CNTN5: variants seen among roughly 807,000 people sequenced by gnomAD.
CNTN5 encodes contactin-5.
In CNTN5, 77 loss-of-function variants were observed where a neutral mutation model predicts 129.1. That is an observed-to-expected ratio of 0.60 (90% CI 0.50 to 0.72). The LOEUF (loss-of-function observed/expected upper bound fraction) is 0.72, where lower values mean the gene tolerates loss of function less well. CNTN5 is among the 30% of genes least tolerant of loss of function. The probability of loss-of-function intolerance (pLI) is 0.00; values close to 1 mark genes in which losing one functional copy is unlikely to be tolerated. For missense variants in CNTN5, 1,478 were observed against 1,328.8 expected (o/e 1.11, Z -1.75); for synonymous variants, 509 against 465.6 (o/e 1.09, Z -1.20).
intron 3 of CNTN5, among the ~76,000 whole-genome samples, chr11:99,579,306 G>A (rs939483065): frequency 1.3e-4 from 19 of 150,440 alleles, no homozygotes; most frequent in African/African-American, 3.4e-4. Flanking sequence ...TTGACTTGGC[G>A]ATGTGGGCTC....
intron 6 of CNTN5, among the ~76,000 whole-genome samples, chr11:99,910,393 A>G (rs2135988647): frequency 6.6e-6 from 1 of 152,218 alleles, no homozygotes; most frequent in East Asian, 1.9e-4. Context: ...CATTCTGTGC[A>G]GACAAATGAC....
chr11:99,602,261 TC>T (rs1950336477), intron 3 of CNTN5, among the ~76,000 whole-genome samples: 1 of 152,128 alleles, frequency 6.6e-6, no homozygotes, highest in Non-Finnish European at 1.5e-5. Flanking sequence ...CTAGTTTCTA[TC>T]TTGATTATTT....
chr11:99,070,065 C>T (rs1865280085), intron 1 of CNTN5, among the ~76,000 whole-genome samples: 1 of 152,188 alleles, frequency 6.6e-6, no homozygotes, highest in Non-Finnish European at 1.5e-5. Flanking sequence ...GGTGAGCTGG[C>T]TTCCTGACGA....
At position 100,136,517 on chromosome 11, in the gene CNTN5, T is replaced by G. The variant is rs1482883667; in HGVS notation, c.1581-54609T>G. ...AATGACCTATTTTATGCTTATGTTC[T>G]TTTAATTTATTTTAGTTTTTTGTAA... On this transcript the variant is annotated intron_variant, in intron 13 of 24. Coordinates refer to ENST00000524871, the MANE Select transcript of CNTN5 (RefSeq NM_014361.4). Among the ~76,000 whole-genome samples the G allele has an allele frequency of 2.0e-5, 3 of 152,208 alleles. No individual in the cohort carries two copies. In the East Asian group the frequency reaches 5.8e-4, roughly 29 times the overall value.
At chr11:100,121,617 T>A (rs940009478) in intron 13 of CNTN5, among the ~76,000 whole-genome samples, 11 of 152,002 alleles carry the variant, frequency 7.2e-5, no homozygotes, top group Admixed American at 7.2e-4. Context: ...GACTTTAATT[T>A]AAAATATTCA....
At chr11:100,174,598 C>T (rs368402818) in intron 13 of CNTN5, among the ~76,000 whole-genome samples, 14 of 152,102 alleles carry the variant, frequency 9.2e-5, no homozygotes, top group African/African-American at 1.7e-4. Flanking sequence ...ATGCCTGTGA[C>T]GAATACCTTG....
chr11:99,497,656 G>T (rs1322206625), intron 2 of CNTN5, among the ~76,000 whole-genome samples: 1 of 152,124 alleles, frequency 6.6e-6, no homozygotes, highest in Non-Finnish European at 1.5e-5. Context: ...ATAATCCTAA[G>T]ATTATGAGCT....
intron 2 of CNTN5, among the ~76,000 whole-genome samples, chr11:99,424,538 G>A (rs1212066265): frequency 6.6e-6 from 1 of 151,856 alleles, no homozygotes; most frequent in African/African-American, 2.4e-5. Context: ...GGCAGCTCCT[G>A]GCACTGGCAC....
chr11:99,788,220 C>T (rs559710234), intron 3 of CNTN5, among the ~76,000 whole-genome samples: 59 of 152,008 alleles, frequency 3.9e-4, no homozygotes, highest in African/African-American at 1.3e-3. Context: ...CAACATCTTC[C>T]TCTCTGAATT....
chr11:99,462,008 T>C (rs909951141), intron 2 of CNTN5, among the ~76,000 whole-genome samples: 26 of 152,232 alleles, frequency 1.7e-4, no homozygotes, highest in African/African-American at 6.0e-4. Context: ...TAGTGATTAG[T>C]AGCCATTGAG....
intron 2 of CNTN5, among the ~76,000 whole-genome samples, chr11:99,396,485 T>C (rs1000060700): frequency 2.0e-5 from 3 of 151,600 alleles, no homozygotes; most frequent in African/African-American, 7.3e-5. Context: ...CCCCAGTCAG[T>C]ATCCTTAAAA....
intron 1 of CNTN5, among the ~76,000 whole-genome samples, chr11:99,122,816 G>C (rs1434411165): frequency 1.3e-5 from 2 of 152,066 alleles, no homozygotes; most frequent in Non-Finnish European, 2.9e-5. Context: ...CTGTTCCTGT[G>C]TTGGTTTTCT....
intron 13 of CNTN5, among the ~76,000 whole-genome samples, chr11:100,109,833 C>A (rs771537231): frequency 8.5e-5 from 13 of 152,116 alleles, no homozygotes; most frequent in Non-Finnish European, 1.6e-4. Flanking sequence ...CTTATTTCTC[C>A]TTGGCTTTGG....
chr11:99,692,512 A>G (rs1161515931), intron 3 of CNTN5, among the ~76,000 whole-genome samples: 3 of 152,050 alleles, frequency 2.0e-5, no homozygotes, highest in Non-Finnish European at 2.9e-5. Flanking sequence ...GCAAGATATG[A>G]TATTCAGGGT....
intron 1 of CNTN5, among the ~76,000 whole-genome samples, chr11:99,212,960 G>A (rs950152119): frequency 6.6e-6 from 1 of 151,958 alleles, no homozygotes; most frequent in Non-Finnish European, 1.5e-5. Flanking sequence ...GGGAGGCCGA[G>A]GTGGGTGGAT....
At chr11:100,224,842 C>G in intron 16 of CNTN5, 30 bp downstream of exon 16, 1 of 1,608,396 alleles carries the variant, frequency 6.2e-7, no homozygotes, top group Non-Finnish European at 8.5e-7. Flanking sequence ...AGTCTGAAGA[C>G]ATGATCACCA....
chr11:99,310,548 T>C (rs1425139285), intron 1 of CNTN5, among the ~76,000 whole-genome samples: 2 of 152,146 alleles, frequency 1.3e-5, no homozygotes, highest in African/African-American at 4.8e-5. Flanking sequence ...GGCACATTAT[T>C]ACATTGAAAC....
chr11:100,255,418 C>G (rs914007781), intron 16 of CNTN5, among the ~76,000 whole-genome samples: 2 of 151,998 alleles, frequency 1.3e-5, no homozygotes, highest in African/African-American at 4.8e-5. Flanking sequence ...TCTGTTGCTG[C>G]CTCTGTAAAC....
intron 17 of CNTN5, among the ~76,000 whole-genome samples, 181 bp from the exon 18 acceptor site, chr11:100,270,911 C>T (rs904481956): frequency 1.3e-5 from 2 of 152,150 alleles, no homozygotes; most frequent in Admixed American, 1.3e-4. Context: ...TATGTAAGTG[C>T]TTACTCCCTG....
Sources: gnomAD v4.1 joint callset for allele counts (sites outside exome capture counted in the v4.1 genomes callset) on GRCh38, gnomAD v4.1.1 for gene constraint, MANE v1.5 for transcripts, NCBI Gene and HGNC (gene_info 2026-07-23, HGNC 2026-07-21) for gene names.